ETV6: variants seen among roughly 807,000 people sequenced by gnomAD.
ETV6 encodes ETS variant transcription factor 6.
In ETV6, 16 loss-of-function variants were observed where a neutral mutation model predicts 51.1. The ratio of observed to expected loss-of-function variants is 0.31; its 90% confidence interval spans 0.21 to 0.48. The LOEUF (loss-of-function observed/expected upper bound fraction) is 0.48. ETV6 is among the 20% of genes least tolerant of loss of function. The probability of loss-of-function intolerance (pLI) is 0.99; values close to 1 mark genes in which losing one functional copy is unlikely to be tolerated. For synonymous variants in ETV6, 240 were observed against 224.1 expected (o/e 1.07, Z -0.64); for missense variants, 458 against 594.8 (o/e 0.77, Z 2.39).
chr12:11,849,417 CT>C (rs1490459836), intron 3 of ETV6, among the ~76,000 whole-genome samples: 1 of 152,110 alleles, frequency 6.6e-6, no homozygotes. Flanking sequence ...TAGCCAGATT[CT>C]TTTGTTAGTA....
intron 2 of ETV6, among the ~76,000 whole-genome samples, chr12:11,780,791 G>C (rs1223316913): frequency 6.6e-6 from 1 of 152,236 alleles, no homozygotes; most frequent in African/African-American, 2.4e-5. Context: ...CCCACATGCG[G>C]TATGTGGATG....
chr12:11,667,940 T>G (rs1864227330), intron 1 of ETV6, among the ~76,000 whole-genome samples: 1 of 151,878 alleles, frequency 6.6e-6, no homozygotes, highest in African/African-American at 2.4e-5. Context: ...GACCTCGCGA[T>G]CCACCCGCTT....
rs1947365861 is a variant in ETV6, at chr12:11,894,681, C to G, written c.*3635C>G. On this transcript the variant is annotated 3_prime_UTR_variant, in exon 8 of 8. Coordinates refer to ENST00000396373, the MANE Select transcript of ETV6 (RefSeq NM_001987.5). ...TGAAGTAACCACCATTCCCACCTTT[C>G]ACTGCCTAGGCTCCAAGTCTGAATA... is the stretch of plus-strand genomic sequence containing the variant. 1 of 233,282 alleles carries G rather than the reference C, an allele frequency of 4.3e-6. No homozygotes were observed. The highest frequency in any genetic ancestry group is 6.0e-5 in the East Asian group (1 of 16,582). 14.5% of individuals were successfully genotyped at this position (233,282 alleles called of 1,614,324 possible).
chr12:11,855,783 T>C (rs1316812244), intron 4 of ETV6, among the ~76,000 whole-genome samples: 1 of 152,114 alleles, frequency 6.6e-6, no homozygotes, highest in African/African-American at 2.4e-5. Flanking sequence ...ACTCTACCCT[T>C]GCTAAATTTA....
intron 1 of ETV6, among the ~76,000 whole-genome samples, chr12:11,682,688 T>C (rs986447895): frequency 6.6e-6 from 1 of 152,250 alleles, no homozygotes; most frequent in Admixed American, 6.5e-5. Flanking sequence ...AGGGTTTTTA[T>C]GGTTTTATAG....
At chr12:11,682,570 T>G (rs569255436) in intron 1 of ETV6, among the ~76,000 whole-genome samples, 18 of 152,338 alleles carry the variant, frequency 1.2e-4, no homozygotes, top group Non-Finnish European at 1.6e-4. Context: ...TTAGTTTAAT[T>G]AGATCCCATT....
chr12:11,848,901 A>C (rs1188548249), intron 3 of ETV6, among the ~76,000 whole-genome samples: 1 of 152,240 alleles, frequency 6.6e-6, no homozygotes, highest in Non-Finnish European at 1.5e-5. Context: ...AATACTAGTT[A>C]GTACCAGTCA....
chr12:11,694,440 G>A (rs1484829542), intron 1 of ETV6, among the ~76,000 whole-genome samples: 1 of 152,176 alleles, frequency 6.6e-6, no homozygotes, highest in Non-Finnish European at 1.5e-5. Context: ...CTTAAGACAA[G>A]TCAGTCCAAT....
At chr12:11,758,413 G>A (rs1031657589) in intron 2 of ETV6, among the ~76,000 whole-genome samples, 107 of 152,198 alleles carry the variant, frequency 7.0e-4, no homozygotes, top group African/African-American at 2.4e-3. Context: ...AAGCAGACAT[G>A]TCGTTGTCTG....
chr12:11,765,634 A>G (rs1565517703), intron 2 of ETV6, among the ~76,000 whole-genome samples: 1 of 151,776 alleles, frequency 6.6e-6, no homozygotes, highest in African/African-American at 2.4e-5. Flanking sequence ...TATGTCTGAG[A>G]GATTAATTTT....
intron 1 of ETV6, among the ~76,000 whole-genome samples, chr12:11,749,960 G>A (rs1417189124): frequency 6.6e-6 from 1 of 152,194 alleles, no homozygotes; most frequent in East Asian, 1.9e-4. Flanking sequence ...CTTATGGTGT[G>A]GAAAACTGTC....
chr12:11,770,325 A>G (rs1945224733), intron 2 of ETV6, among the ~76,000 whole-genome samples: 1 of 151,534 alleles, frequency 6.6e-6, no homozygotes, highest in Non-Finnish European at 1.5e-5. Context: ...CCCGGGTTTC[A>G]GGATGGGCAT....
intron 1 of ETV6, among the ~76,000 whole-genome samples, chr12:11,682,908 G>A (rs1321218829): frequency 6.6e-6 from 1 of 152,092 alleles, no homozygotes; most frequent in East Asian, 1.9e-4. Context: ...TATTTCTGAG[G>A]CCTCTGTTCT....
intron 1 of ETV6, among the ~76,000 whole-genome samples, chr12:11,709,777 G>GA (rs1865139044): frequency 6.6e-6 from 1 of 152,232 alleles, no homozygotes; most frequent in African/African-American, 2.4e-5. Context: ...ACCGAAGAGG[G>GA]AATGCCACAG....
chr12:11,813,828 G>A (rs1434088523), intron 2 of ETV6, among the ~76,000 whole-genome samples: 1 of 151,754 alleles, frequency 6.6e-6, no homozygotes, highest in South Asian at 2.1e-4. Context: ...TGTGTGGTTC[G>A]AGGCCAGGGC....
At chr12:11,803,065 T>C (rs1336975607) in intron 2 of ETV6, among the ~76,000 whole-genome samples, 1 of 152,204 alleles carries the variant, frequency 6.6e-6, no homozygotes, top group Non-Finnish European at 1.5e-5. Context: ...TTTTCCTGGA[T>C]TGGGGGTTAT....
intron 2 of ETV6, among the ~76,000 whole-genome samples, chr12:11,826,926 A>G (rs1385356013): frequency 6.6e-6 from 1 of 152,136 alleles, no homozygotes; most frequent in African/African-American, 2.4e-5. Flanking sequence ...TTACAACTCT[A>G]ATACTAGGGA....
chr12:11,760,904 G>A (rs61921811), intron 2 of ETV6, among the ~76,000 whole-genome samples: 85,460 of 149,696 alleles, frequency 0.57, 26,099 homozygotes, highest in Admixed American at 0.72. Flanking sequence ...GTGTGTGTGT[G>A]TGTGTATATA....
chr12:11,794,829 G>A (rs1945653701), intron 2 of ETV6, among the ~76,000 whole-genome samples: 1 of 152,182 alleles, frequency 6.6e-6, no homozygotes, highest in Non-Finnish European at 1.5e-5. Flanking sequence ...TGCCATTGAG[G>A]CATACATTTA....
Sources: allele counts gnomAD v4.1 joint callset (sites outside exome capture counted in the v4.1 genomes callset), GRCh38; gene constraint gnomAD v4.1.1; transcripts MANE v1.5; gene names NCBI Gene and HGNC (gene_info 2026-07-23, HGNC 2026-07-21).